PTPRD: variants seen among roughly 807,000 people sequenced by gnomAD.
PTPRD encodes the protein receptor-type tyrosine-protein phosphatase delta.
In PTPRD, 34 loss-of-function variants were observed where a neutral mutation model predicts 214.5. The ratio of observed to expected loss-of-function variants is 0.16; its 90% CI spans 0.12 to 0.21. The LOEUF is 0.21. PTPRD is among the 10% of genes least tolerant of loss of function. The pLI is 1.00. For synonymous variants in PTPRD, 1,128 were observed against 845.7 expected, an observed-to-expected ratio of 1.33 and a Z score of -5.79; for missense variants, 2,545 against 2,398.7, an observed-to-expected ratio of 1.06 and a Z score of -1.27.
chr9:10,023,725 G>A (rs1177649190), intron 4 of PTPRD, among the ~76,000 whole-genome samples: 1 of 150,036 alleles, frequency 6.7e-6, no homozygotes, highest in African/African-American at 2.4e-5. Context: ...TGCAATTTAG[G>A]GCCTAAGTAC....
At chr9:8,728,298 G>T (rs1304031616) in intron 12 of PTPRD, among the ~76,000 whole-genome samples, 9 of 152,174 alleles carry the variant, frequency 5.9e-5, no homozygotes, top group Non-Finnish European at 1.2e-4. Context: ...TCTTTTAAAG[G>T]ATACTTAAAT....
chr9:9,665,496 G>A (rs1001647915), intron 7 of PTPRD, among the ~76,000 whole-genome samples: 1 of 151,652 alleles, frequency 6.6e-6, no homozygotes, highest in South Asian at 2.1e-4. Context: ...CTGGCTTTCT[G>A]ACCTTCTGAC....
chr9:9,403,027 T>G lies in PTPRD; in HGVS notation c.-236-5545A>C, dbSNP rs184635975. Among the ~76,000 whole-genome samples, 60 of 145,396 alleles carry G rather than the reference T, an allele frequency of 4.1e-4. No homozygotes were observed. The East Asian group carries it at 0.011, about 27-fold the overall frequency. ...ATGAGGTGCCAGGCGCGGTGTCTCCTGCCTGTAATCCCAGCACTTTGGCAG... is the reference window on the plus strand; with the variant it reads ...ATGAGGTGCCAGGCGCGGTGTCTCCGGCCTGTAATCCCAGCACTTTGGCAG... On this transcript the variant is annotated intron_variant, in intron 8 of 45. Coordinates refer to ENST00000381196, the MANE Select transcript of PTPRD (RefSeq NM_002839.4).
intron 2 of PTPRD, among the ~76,000 whole-genome samples, chr9:10,477,628 T>C (rs2099071668): frequency 6.6e-6 from 1 of 152,178 alleles, no homozygotes. Flanking sequence ...ATCCCATTAC[T>C]GGGTATATAC....
chr9:8,650,706 G>A (rs1190229544), intron 12 of PTPRD, among the ~76,000 whole-genome samples: 1 of 152,094 alleles, frequency 6.6e-6, no homozygotes, highest in African/African-American at 2.4e-5. Flanking sequence ...TACCCTGACA[G>A]AGATCATATT....
At chr9:10,328,903 T>C (rs1386932646) in intron 3 of PTPRD, among the ~76,000 whole-genome samples, 3 of 151,748 alleles carry the variant, frequency 2.0e-5, no homozygotes, top group African/African-American at 4.8e-5. Context: ...CTTTCGCACC[T>C]TTGTTAACAT....
At chr9:9,646,573 A>C (rs2096185990) in intron 7 of PTPRD, among the ~76,000 whole-genome samples, 1 of 152,022 alleles carries the variant, frequency 6.6e-6, no homozygotes, top group South Asian at 2.1e-4. Flanking sequence ...GTGTTTTTCA[A>C]CAATTTTCAA....
chr9:8,922,912 C>T lies in PTPRD; in HGVS notation c.-104+95785G>A, dbSNP rs190228386. On this transcript the variant is annotated intron_variant, in intron 11 of 45. Coordinates refer to ENST00000381196, the MANE Select transcript of PTPRD (RefSeq NM_002839.4). ...TCTCCTGACCTTGTGATCCACCCAC[C>T]TCAGCCTCCCTAAGTGTTGGGATTA... is the stretch of plus-strand genomic sequence containing the variant. Among the ~76,000 whole-genome samples, 4 of 151,812 alleles carry T rather than the reference C, an allele frequency of 2.6e-5. No individual in the cohort carries two copies. In the South Asian group the frequency reaches 8.3e-4, roughly 32 times the overall value.
intron 9 of PTPRD, among the ~76,000 whole-genome samples, chr9:9,388,918 T>A (rs2064848006): frequency 6.6e-6 from 1 of 152,158 alleles, no homozygotes; most frequent in African/African-American, 2.4e-5. Flanking sequence ...AGTGGGCATT[T>A]TAATCAGGAT....
intron 24 of PTPRD, 47 bp from the exon 25 acceptor site, chr9:8,499,887 C>T: frequency 6.7e-7 from 1 of 1,493,866 alleles, no homozygotes; most frequent in Non-Finnish European, 9.0e-7. Flanking sequence ...ACTTGTCCCA[C>T]CCTATCAGAG....
At position 9,574,162 on chromosome 9, in the gene PTPRD, A is replaced by C. The variant is rs576363898; in HGVS notation, c.-237+570T>G. On this transcript the variant is annotated intron_variant, in intron 8 of 45. Coordinates refer to ENST00000381196, the MANE Select transcript of PTPRD (RefSeq NM_002839.4). Reference sequence around the variant, plus strand: ...TATTCTGTAGTCAATTATTAATATAATCCAGATTCACATTTTTGACAAACC... The same window carrying C: ...TATTCTGTAGTCAATTATTAATATACTCCAGATTCACATTTTTGACAAACC... 4.6e-5 allele frequency among the ~76,000 whole-genome samples: 7 copies of C among 152,074 alleles called. No homozygotes were observed. The South Asian group carries it at 1.4e-3, about 31-fold the overall frequency.
intron 14 of PTPRD, among the ~76,000 whole-genome samples, chr9:8,617,510 T>G (rs1254491083): frequency 2.0e-5 from 3 of 152,138 alleles, no homozygotes; most frequent in African/African-American, 7.2e-5. Flanking sequence ...TGTCCCAACT[T>G]TTAAAATTTA....
chr9:8,761,159 T>C (rs962760502), intron 11 of PTPRD, among the ~76,000 whole-genome samples: 14 of 152,218 alleles, frequency 9.2e-5, no homozygotes, highest in African/African-American at 3.4e-4. Context: ...ATCTAAAAGA[T>C]AAGCCAAAAA....
intron 3 of PTPRD, among the ~76,000 whole-genome samples, chr9:10,281,224 G>T (rs1596061201): frequency 6.6e-6 from 1 of 152,016 alleles, no homozygotes; most frequent in Non-Finnish European, 1.5e-5. Flanking sequence ...AGTTTTCCAG[G>T]GACTTAAATA....
chr9:9,161,011 C>T (rs2099887379), intron 10 of PTPRD, among the ~76,000 whole-genome samples: 1 of 151,956 alleles, frequency 6.6e-6, no homozygotes, highest in Non-Finnish European at 1.5e-5. Context: ...GAGAGTAAAA[C>T]AATGATTACC....
intron 3 of PTPRD, among the ~76,000 whole-genome samples, chr9:10,119,637 T>C (rs1363300559): frequency 6.6e-6 from 1 of 151,992 alleles, no homozygotes; most frequent in African/African-American, 2.4e-5. Flanking sequence ...ATGATAAAGC[T>C]GGTTGTGATA....
At chr9:8,327,310 T>C (rs376323463) in intron 44 of PTPRD, among the ~76,000 whole-genome samples, 1 of 151,058 alleles carries the variant, frequency 6.6e-6, no homozygotes, top group Admixed American at 6.7e-5. Flanking sequence ...CAGGAGCAGG[T>C]TGTTCAGCTT....
rs758981273 is a variant in PTPRD, at chr9:8,500,997, T to C, written c.1885A>G (p.Ser629Gly). 6.2e-7 allele frequency: 1 copy of C among 1,614,120 alleles called. No individual in the cohort carries two copies. ...TSPSSTSILV[S>G]WQPPPVEKQN... ...TTTTCCACTGGTGGAGGTTGCCAAC[T>C]TACCAAAATACTAGTGGAACTTGGG... is the stretch of plus-strand genomic sequence containing the variant. The change falls in exon 24 of 46, where the codon AGT (serine) becomes GGT (glycine). Residue 629 changes from serine to glycine, a missense_variant. Ser to Gly is a moderately conservative substitution (Grantham distance 56). Transcript: ENST00000381196.
intron 2 of PTPRD, among the ~76,000 whole-genome samples, chr9:10,600,095 T>A (rs1273971814): frequency 6.6e-6 from 1 of 151,796 alleles, no homozygotes; most frequent in African/African-American, 2.4e-5. Context: ...TATTACTTAC[T>A]TTATTTTACC....
Sources: allele counts gnomAD v4.1 joint callset (sites outside exome capture counted in the v4.1 genomes callset), GRCh38; gene constraint gnomAD v4.1.1; transcripts MANE v1.5; gene names NCBI Gene and HGNC (gene_info 2026-07-23, HGNC 2026-07-21).